SIPA1L1: variants seen among roughly 807,000 people sequenced by gnomAD.
SIPA1L1 encodes signal induced proliferation associated 1 like 1, also known as signal-induced proliferation-associated 1-like protein 1.
SIPA1L1 carries 26 observed loss-of-function variants against 162.7 expected under a neutral mutation model. That is an observed-to-expected ratio of 0.16 (90% CI 0.12 to 0.22). The LOEUF is 0.22. SIPA1L1 is among the 10% of genes least tolerant of loss of function. The probability of loss-of-function intolerance (pLI) is 1.00; values close to 1 mark genes in which losing one functional copy is unlikely to be tolerated. For missense variants in SIPA1L1, 1,874 were observed against 2,241.0 expected (o/e 0.84, Z 3.31); for synonymous variants, 829 against 837.4 (o/e 0.99, Z 0.17).
intron 5 of SIPA1L1, among the ~76,000 whole-genome samples, chr14:71,604,000 A>C (rs1190984248): frequency 1.5e-5 from 2 of 136,720 alleles, no homozygotes; most frequent in Non-Finnish European, 3.2e-5. Flanking sequence ...TATATATATA[A>C]ATTTTTTTTT....
chr14:71,657,356 A>AAT (rs1228782971), intron 8 of SIPA1L1, among the ~76,000 whole-genome samples: 4 of 151,770 alleles, frequency 2.6e-5, no homozygotes, highest in African/African-American at 9.7e-5. Flanking sequence ...AAAAAAAAAA[A>AAT]AAAAAAAAAA....
intron 15 of SIPA1L1, among the ~76,000 whole-genome samples, chr14:71,704,472 C>T (rs1193947035): frequency 5.3e-5 from 8 of 152,174 alleles, no homozygotes; most frequent in Non-Finnish European, 1.0e-4. Flanking sequence ...TATGGCTGTT[C>T]ACTTTTCTGC....
intron 2 of SIPA1L1, among the ~76,000 whole-genome samples, chr14:71,485,853 T>A (rs1051080463): frequency 3.3e-5 from 5 of 152,142 alleles, no homozygotes; most frequent in African/African-American, 1.2e-4. Flanking sequence ...TTCACCTGGC[T>A]TGTAAAACAC....
chr14:71,477,792 A>T (rs74451401), intron 2 of SIPA1L1, among the ~76,000 whole-genome samples: 4 of 144,064 alleles, frequency 2.8e-5, no homozygotes, highest in Admixed American at 6.9e-5. Flanking sequence ...TGGAGGTATT[A>T]AAAAAAAAAA....
intron 2 of SIPA1L1, among the ~76,000 whole-genome samples, chr14:71,428,198 G>C (rs924313717): frequency 1.3e-5 from 2 of 151,736 alleles, no homozygotes; most frequent in African/African-American, 4.8e-5. Context: ...TGTTTGCCAT[G>C]TTGGCCAGGC....
intron 7 of SIPA1L1, among the ~76,000 whole-genome samples, chr14:71,627,222 G>A (rs1479800028): frequency 5.2e-5 from 7 of 134,766 alleles, no homozygotes; most frequent in East Asian, 2.4e-4. Flanking sequence ...GCAGTGGCGC[G>A]ATCTCGGCTC....
At chr14:71,325,358 T>C (rs1298083837) in intron 2 of SIPA1L1, among the ~76,000 whole-genome samples, 1 of 152,244 alleles carries the variant, frequency 6.6e-6, no homozygotes, top group African/African-American at 2.4e-5. Context: ...CATTTATTTT[T>C]ATTCAGTGGA....
At chr14:71,445,668 T>C (rs1418159741) in intron 2 of SIPA1L1, among the ~76,000 whole-genome samples, 2 of 152,192 alleles carry the variant, frequency 1.3e-5, no homozygotes, top group African/African-American at 4.8e-5. Context: ...AGTGTAAATA[T>C]TTCCAACATT....
At chr14:71,713,963 A>G (rs894612167) in intron 17 of SIPA1L1, among the ~76,000 whole-genome samples, 2 of 151,918 alleles carry the variant, frequency 1.3e-5, no homozygotes, top group Non-Finnish European at 2.9e-5. Flanking sequence ...TCTAAATATT[A>G]TGGACTAACT....
At chr14:71,573,196 A>G (rs966305235) in intron 4 of SIPA1L1, among the ~76,000 whole-genome samples, 1 of 152,228 alleles carries the variant, frequency 6.6e-6, no homozygotes, top group African/African-American at 2.4e-5. Context: ...TTTAACTACT[A>G]TGTATATTAC....
chr14:71,669,408 C>T (rs2149347467), intron 10 of SIPA1L1, among the ~76,000 whole-genome samples: 1 of 152,268 alleles, frequency 6.6e-6, no homozygotes, highest in South Asian at 2.1e-4. Flanking sequence ...AATAAAATCA[C>T]AGATATTTTC....
intron 2 of SIPA1L1, among the ~76,000 whole-genome samples, chr14:71,427,028 C>T (rs1045273459): frequency 1.1e-4 from 16 of 152,172 alleles, no homozygotes; most frequent in African/African-American, 3.6e-4. Context: ...AAAGTTTAGT[C>T]TCTTAAATCA....
At chr14:71,614,943 T>C (rs892132205) in intron 5 of SIPA1L1, among the ~76,000 whole-genome samples, 2 of 152,190 alleles carry the variant, frequency 1.3e-5, no homozygotes, top group African/African-American at 4.8e-5. Context: ...TTTATTTACA[T>C]TTTTGTAATG....
At chr14:71,581,573 A>G (rs187755798) in intron 4 of SIPA1L1, among the ~76,000 whole-genome samples, 4 of 152,284 alleles carry the variant, frequency 2.6e-5, no homozygotes, top group Admixed American at 2.6e-4. Flanking sequence ...GTTATTTAAT[A>G]CCAGATTTGA....
chr14:71,670,191 A>C (rs2044379784), intron 10 of SIPA1L1, among the ~76,000 whole-genome samples: 2 of 152,254 alleles, frequency 1.3e-5, no homozygotes. Context: ...TAAAACACTC[A>C]ACCTCTCTAT....
chr14:71,607,547 C>T (rs576567607), intron 5 of SIPA1L1, among the ~76,000 whole-genome samples: 13 of 152,194 alleles, frequency 8.5e-5, no homozygotes, highest in African/African-American at 3.1e-4. Flanking sequence ...AGTGGTTAAT[C>T]TTTCCTGGTT....
At chr14:71,357,646 C>T (rs951917630) in intron 2 of SIPA1L1, among the ~76,000 whole-genome samples, 2 of 152,204 alleles carry the variant, frequency 1.3e-5, no homozygotes, top group South Asian at 2.1e-4. Flanking sequence ...ACTGCAATCT[C>T]TGCTTCCTGG....
At chr14:71,435,401 C>T (rs2044298402) in intron 2 of SIPA1L1, among the ~76,000 whole-genome samples, 1 of 152,076 alleles carries the variant, frequency 6.6e-6, no homozygotes, top group Non-Finnish European at 1.5e-5. Context: ...GTTCAATTCC[C>T]ACCTATGAGT....
At chr14:71,664,942 G>C (rs760782855) in intron 10 of SIPA1L1, among the ~76,000 whole-genome samples, 3 of 152,140 alleles carry the variant, frequency 2.0e-5, no homozygotes, top group Non-Finnish European at 4.4e-5. Flanking sequence ...ACCATTCTAG[G>C]AGTGGTCAGT....
Sources: allele counts gnomAD v4.1 joint callset (sites outside exome capture counted in the v4.1 genomes callset), GRCh38; gene constraint gnomAD v4.1.1; transcripts MANE v1.5; gene names NCBI Gene and HGNC (gene_info 2026-07-23, HGNC 2026-07-21).